Variants in BCOR observed in about 807,000 individuals in gnomAD.
BCOR encodes BCL6 corepressor.
A neutral mutation model predicts 86.7 loss-of-function variants in BCOR; 10 were observed. The ratio of observed to expected loss-of-function variants is 0.12; its 90% CI spans 0.07 to 0.20. BCOR has a LOEUF of 0.20. Among genes scored for constraint, BCOR ranks in the 10% least tolerant of loss-of-function variants. BCOR has a pLI of 1.00. For missense variants in BCOR, 1,259 were observed against 1,452.1 expected (o/e 0.87, Z 2.16); for synonymous variants, 611 against 609.0 (o/e 1.00, Z -0.05).
upstream of BCOR, among the ~76,000 whole-genome samples, chrX:40,098,665 A>C (rs1937005937): frequency 9.0e-6 from 1 of 110,966 alleles, no homozygotes; most frequent in African/African-American, 3.3e-5. Context: ...CCCCTCCGAG[A>C]CCCAGCGGAG....
intron 1 of BCOR, among the ~76,000 whole-genome samples, chrX:40,082,111 G>A (rs1936132895): frequency 8.9e-6 from 1 of 112,011 alleles, no homozygotes; most frequent in Admixed American, 9.4e-5. Context: ...GGGCGTCGAG[G>A]GACCAAGATC....
At chrX:40,158,536 C>T (rs1426149580) in intron 1 of BCOR, among the ~76,000 whole-genome samples, 1 of 112,602 alleles carries the variant, frequency 8.9e-6, no homozygotes, top group Non-Finnish European at 1.9e-5. Flanking sequence ...TGTAGTGTCG[C>T]CCCTCCTCGA....
At chrX:40,071,230 T>C in intron 5 of BCOR, 71 bp from the exon 6 acceptor site, 1 of 1,057,444 alleles carries the variant, frequency 9.5e-7, no homozygotes, top group Non-Finnish European at 1.3e-6. Context: ...ATTTGCCTTA[T>C]CTTAAAGGAA....
At position 40,064,327 on chromosome X, in the gene BCOR, A is replaced by T. The variant is rs1935078284; in HGVS notation, c.3502+9T>A. 1 of 1,212,343 alleles carries T rather than the reference A, an allele frequency of 8.2e-7. No individual in the cohort carries two copies. The highest frequency in any genetic ancestry group is 3.0e-5 in the East Asian group (1 of 33,854). ...CCCCCGGCAGGCGGGCGAAGCAGAC[A>T]GGGCTCACCTTTAGAGACTCGTCGG... On this transcript the variant is annotated intron_variant, in intron 7 of 14. Transcript: ENST00000378444.
intron 6 of BCOR, among the ~76,000 whole-genome samples, chrX:40,066,536 G>A (rs774672131): frequency 1.8e-5 from 2 of 111,237 alleles, no homozygotes; most frequent in Admixed American, 9.5e-5. Flanking sequence ...ACAAAAGGAC[G>A]CTATGATCCC....
At chrX:40,068,389 C>T (rs1935305300) in intron 6 of BCOR, among the ~76,000 whole-genome samples, 1 of 112,133 alleles carries the variant, frequency 8.9e-6, no homozygotes, top group Non-Finnish European at 1.9e-5. Flanking sequence ...ATCTGTCTGC[C>T]CAAACTCAAA....
At chrX:40,122,812 T>C (rs2147876506) in intron 1 of BCOR, among the ~76,000 whole-genome samples, 1 of 111,859 alleles carries the variant, frequency 8.9e-6, no homozygotes, top group African/African-American at 3.3e-5. Context: ...AGATGTTTTC[T>C]ATAATATTTT....
chrX:40,077,489 G>T, intron 2 of BCOR: 1 of 224,583 alleles, frequency 4.5e-6, no homozygotes, highest in Non-Finnish European at 8.1e-6. Flanking sequence ...ATTTATTACT[G>T]AGCAAACTAT....
intron 1 of BCOR, among the ~76,000 whole-genome samples, chrX:40,162,929 G>C (rs946308164): frequency 1.2e-4 from 13 of 111,728 alleles, no homozygotes; most frequent in African/African-American, 4.2e-4. Context: ...AGGGGTTAGA[G>C]ACAAGGATAA....
intron 1 of BCOR, among the ~76,000 whole-genome samples, chrX:40,084,335 C>A (rs1440064265): frequency 1.8e-5 from 2 of 112,166 alleles, no homozygotes; most frequent in Non-Finnish European, 3.8e-5. Context: ...CTGTCCAGGC[C>A]ACCCCACCGG....
chrX:40,119,422 C>T (rs909595548), intron 1 of BCOR, among the ~76,000 whole-genome samples: 1 of 110,429 alleles, frequency 9.1e-6, no homozygotes, highest in Non-Finnish European at 1.9e-5. Context: ...CCTGTAATCC[C>T]AGCACTTTAG....
chrX:40,103,336 T>C (rs1937107898), intron 1 of BCOR, among the ~76,000 whole-genome samples: 1 of 111,109 alleles, frequency 9.0e-6, no homozygotes, highest in Admixed American at 9.5e-5. Flanking sequence ...GACACTCGCA[T>C]ATATTTTAAT....
At chrX:40,119,113 A>G (rs775882958) in intron 1 of BCOR, among the ~76,000 whole-genome samples, 2 of 112,281 alleles carry the variant, frequency 1.8e-5, no homozygotes, top group East Asian at 2.8e-4. Context: ...GATTACAGGC[A>G]TGAGCCATCA....
chrX:40,078,932 C>T (rs956526294), intron 1 of BCOR, among the ~76,000 whole-genome samples: 6 of 109,549 alleles, frequency 5.5e-5, no homozygotes, highest in African/African-American at 1.3e-4. Flanking sequence ...ATTATCACGG[C>T]GCGTGATTTA....
At chrX:40,101,817 G>A (rs1487944576), upstream of BCOR, among the ~76,000 whole-genome samples, 3 of 112,663 alleles carry the variant, frequency 2.7e-5, no homozygotes, top group Admixed American at 9.3e-5. Flanking sequence ...GGTCCTCCTC[G>A]GAGGCTGTTC....
At chrX:40,075,698 G>A (rs1042612937) in intron 3 of BCOR, among the ~76,000 whole-genome samples, 1 of 111,773 alleles carries the variant, frequency 8.9e-6, no homozygotes, top group African/African-American at 3.3e-5. Flanking sequence ...GGTGGAGGTT[G>A]CGGTGAGCCA....
intron 1 of BCOR, among the ~76,000 whole-genome samples, chrX:40,086,482 T>C (rs761277551): frequency 8.9e-6 from 1 of 112,603 alleles, no homozygotes; most frequent in Non-Finnish European, 1.9e-5. Flanking sequence ...TCACCACAAG[T>C]TCCCTAAACC....
intron 11 of BCOR, 101 bp downstream of exon 11, chrX:40,057,054 T>C: frequency 1.0e-6 from 1 of 975,677 alleles, no homozygotes; most frequent in South Asian, 2.0e-5. Flanking sequence ...ACCCTCTGTC[T>C]TTCCTCCTGG....
chrX:40,152,209 G>A (rs1411754586), intron 1 of BCOR, among the ~76,000 whole-genome samples: 1 of 111,976 alleles, frequency 8.9e-6, no homozygotes, highest in Admixed American at 9.3e-5. Context: ...TCCTGCAAGG[G>A]GACAGGCGGC....
Sources: gnomAD v4.1 joint callset for allele counts (sites outside exome capture counted in the v4.1 genomes callset) on GRCh38, gnomAD v4.1.1 for gene constraint, MANE v1.5 for transcripts, NCBI Gene and HGNC (gene_info 2026-07-23, HGNC 2026-07-21) for gene names.